The following ZBTB48 variants were observed in gnomAD, a reference collection of about 807,000 sequenced individuals.
ZBTB48 encodes the protein zinc finger and BTB domain-containing protein 48.
A neutral mutation model predicts 64.5 loss-of-function variants in ZBTB48; 35 were observed. The observed-to-expected ratio is 0.54, with a 90% CI of 0.41 to 0.72. The LOEUF (loss-of-function observed/expected upper bound fraction) is 0.72, where lower values mean the gene tolerates loss of function less well. ZBTB48 is among the 30% of genes least tolerant of loss of function. The pLI, the probability that ZBTB48 is intolerant of heterozygous loss-of-function variation, is 0.00. For missense variants in ZBTB48, 828 were observed against 895.3 expected, an observed-to-expected ratio of 0.92 and a Z score of 0.96; for synonymous variants, 442 against 356.7, an observed-to-expected ratio of 1.24 and a Z score of -2.70.
intron 6 of ZBTB48, 74 bp from the exon 7 acceptor site, chr1:6,587,404 G>A: frequency 6.2e-7 from 1 of 1,607,654 alleles, no homozygotes; most frequent in East Asian, 2.2e-5. Context: ...GGTGCTTGTG[G>A]GTCTCCCAGG....
rs372592772 is a variant in ZBTB48, at chr1:6,581,044, G to C, written c.435G>C (p.Pro145=). 9 of 1,613,188 alleles carry C rather than the reference G, an allele frequency of 5.6e-6. No homozygotes were observed. The highest frequency in any genetic ancestry group is 1.1e-5 in the South Asian group (1 of 91,084). Residue 145 remains proline (P), a synonymous_variant, in exon 2 of 11, where the codon CCG becomes CCC. Coordinates refer to ENST00000377674, the MANE Select transcript of ZBTB48 (RefSeq NM_005341.4). ...ATGTGAACAGCCACGTCAAGGAGCCGGCAGGCTTGGAAGAAGAGGAAGTTT... is the reference window on the plus strand; with the variant it reads ...ATGTGAACAGCCACGTCAAGGAGCCCGCAGGCTTGGAAGAAGAGGAAGTTT... ...SQNVNSHVKE[P]AGLEEEEVSR... is the part of the protein sequence containing the mutation.
intron 4 of ZBTB48, 104 bp downstream of exon 4, chr1:6,586,134 T>G: frequency 8.6e-7 from 1 of 1,162,074 alleles, no homozygotes; most frequent in Non-Finnish European, 1.3e-6. Context: ...AGGGGTACTG[T>G]AAACTCAGGA....
At position 6,588,945 on chromosome 1, in the gene ZBTB48, C is replaced by A; in HGVS notation, c.1800C>A (p.His600Gln). The A allele has an allele frequency of 6.2e-7, 1 of 1,610,864 alleles. No individual in the cohort carries two copies. Among genetic ancestry groups the A allele is most frequent in the Non-Finnish European group, 8.5e-7 (1 of 1,178,224 alleles). ...QAHLRRHMEI[H>Q]DRVENYNPRQ... is the part of the protein sequence containing the mutation. Reference sequence around the variant, plus strand: ...ACCTGCGGAGGCACATGGAGATCCACGACCGGGTAGAGAACTACAACCCGC... The same window carrying A: ...ACCTGCGGAGGCACATGGAGATCCAAGACCGGGTAGAGAACTACAACCCGC... Residue 600 changes from histidine (H) to glutamine (Q), a missense_variant, in exon 11 of 11, where the codon CAC (histidine) becomes CAA (glutamine). Transcript: ENST00000377674.
chr1:6,583,607 T>A (rs989236383), intron 3 of ZBTB48, among the ~76,000 whole-genome samples: 1,512 of 148,554 alleles, frequency 0.01, 16 homozygotes, highest in South Asian at 0.019. Context: ...CCTGTTATTT[T>A]TTTTTTTTTT....
intron 3 of ZBTB48, 91 bp from the exon 4 acceptor site, chr1:6,585,828 T>C: frequency 8.1e-7 from 1 of 1,231,332 alleles, no homozygotes; most frequent in Non-Finnish European, 1.2e-6. Flanking sequence ...AGAACACTTG[T>C]TCCCCTTAGA....
chr1:6,583,378 GC>G (rs556282296), intron 3 of ZBTB48, among the ~76,000 whole-genome samples: 2 of 152,186 alleles, frequency 1.3e-5, no homozygotes, highest in South Asian at 4.1e-4. Flanking sequence ...TCGGCTCACT[GC>G]AACCTCCGCC....
At position 6,580,917 on chromosome 1, in the gene ZBTB48, G is replaced by A. The variant is rs1001914386; in HGVS notation, c.308G>A (p.Arg103Gln). 3.1e-5 allele frequency: 50 copies of A among 1,614,032 alleles called. No individual in the cohort carries two copies. The highest frequency in any genetic ancestry group is 4.1e-5 in the Non-Finnish European group (48 of 1,180,040). The change falls in exon 2 of 11, where the codon CGA (arginine) becomes CAA (glutamine). Residue 103 changes from arginine to glutamine, a missense_variant. Transcript: ENST00000377674. This position sits in a 1 kb window ranked among gnomAD's most constrained non-coding sequence, Gnocchi z 5.2. ...GTGCTCCTGGCAGCCAGGGAGTTGC[G>A]AGTGCCAGAGGCCGTAGAGCTGTGC... ...DQVLLAAREL[R>Q]VPEAVELCQS...
In ZBTB48 at chr1:6,584,165, T is replaced by C. The variant is rs1325020632; in HGVS notation, c.933-1754T>C. 6.7e-6 allele frequency among the ~76,000 whole-genome samples: 1 copy of C among 148,180 alleles called. No individual in the cohort carries two copies. The highest frequency in any genetic ancestry group is 1.5e-5 in the Non-Finnish European group (1 of 66,608). On this transcript the variant is annotated intron_variant, in intron 3 of 10. Coordinates refer to ENST00000377674, the MANE Select transcript of ZBTB48 (RefSeq NM_005341.4). This position sits in a 1 kb window ranked among gnomAD's most constrained non-coding sequence, Gnocchi z 4.5. ...TCCTGACCTTGCGATCCACCTGCCT[T>C]AGCTTCCCAAAGTGCTGGGATTACA... is the stretch of plus-strand genomic sequence containing the variant.
At chr1:6,581,887 CTT>C (rs1212408714) in intron 2 of ZBTB48, among the ~76,000 whole-genome samples, 169 bp from the exon 3 acceptor site, 1 of 152,218 alleles carries the variant, frequency 6.6e-6, no homozygotes, top group African/African-American at 2.4e-5. Flanking sequence ...AACACAGCCA[CTT>C]TCCTCTGAAT....
At chr1:6,583,111 C>T (rs1181666497) in intron 3 of ZBTB48, among the ~76,000 whole-genome samples, 1 of 152,214 alleles carries the variant, frequency 6.6e-6, no homozygotes, top group African/African-American at 2.4e-5. Flanking sequence ...CTGCTTCAGC[C>T]TCCCAAATAG....
intron 3 of ZBTB48, 60 bp from the exon 4 acceptor site, chr1:6,585,859 G>T: frequency 6.5e-7 from 1 of 1,545,720 alleles, no homozygotes. Context: ...AGGGGGCCCT[G>T]GGTGAGGGAG....
In ZBTB48 at chr1:6,580,453, C is replaced by A; in HGVS notation, c.-69-88C>A. On this transcript the variant is annotated intron_variant, in intron 1 of 10. Coordinates refer to ENST00000377674, the MANE Select transcript of ZBTB48 (RefSeq NM_005341.4). This position sits in a 1 kb window ranked among gnomAD's most constrained non-coding sequence, Gnocchi z 5.2. ...TCAGTGTGTTCCAGCCCTCCGCGTG[C>A]ACCCCTCACCCTGACCCAAGCCCTC... The A allele has an allele frequency of 1.3e-6, 1 of 748,976 alleles. No homozygotes were observed. The highest frequency in any genetic ancestry group is 2.1e-6 in the Non-Finnish European group (1 of 471,610). The allele number at this position is 748,976 out of a possible 1,614,324, so 46.4% of individuals were successfully genotyped here. A position where few individuals can be genotyped will look rare whatever the true frequency, so the allele number is the denominator to read the frequency against.
In ZBTB48 at chr1:6,582,241, G is replaced by A. The variant is rs781278596; in HGVS notation, c.874G>A (p.Glu292Lys). The change falls in exon 3 of 11, where the codon GAA becomes AAA. Residue 292 changes from glutamate (E) to lysine (K), a missense_variant. Coordinates refer to ENST00000377674, the MANE Select transcript of ZBTB48 (RefSeq NM_005341.4). ...ENRKGTAVPV[E>K]CPTCHKKFLS... ...CAGAAAAGGTACAGCGGTGCCGGTC[G>A]AATGCCCCACATGTCATAAAAAGTT... 5 of 1,614,002 alleles carry A rather than the reference G, an allele frequency of 3.1e-6. No homozygotes were observed. The highest frequency in any genetic ancestry group is 1.6e-4 in the Middle Eastern group (1 of 6,084).
intron 5 of ZBTB48, 107 bp from the exon 6 acceptor site, chr1:6,587,098 C>A: frequency 8.1e-7 from 1 of 1,237,970 alleles, no homozygotes; most frequent in South Asian, 1.3e-5. Context: ...CTCCCAGAAT[C>A]ATCTCACCGG....
rs1640404529 is a variant in ZBTB48 at position 6,580,546 on chromosome 1, TTC to T, written c.-60_-59del. ...TTTCTCTCTCTTGACTCCAGGAGCT[TTC>T]TCTTGCATACCCTCGCTTAGGCTGG... On this transcript the variant is annotated 5_prime_UTR_variant, in exon 2 of 11. Transcript: ENST00000377674. This position sits in a 1 kb window ranked among gnomAD's most constrained non-coding sequence, Gnocchi z 5.2. The T allele has an allele frequency of 6.6e-7, 1 of 1,525,744 alleles. No homozygotes were observed. The highest frequency in any genetic ancestry group is 8.9e-7 in the Non-Finnish European group (1 of 1,129,890). The allele number at this position is 1,525,744 out of a possible 1,614,324, so 94.5% of individuals were successfully genotyped here. A position where few individuals can be genotyped will look rare whatever the true frequency, so the allele number is the denominator to read the frequency against.
At chr1:6,587,109 G>A in intron 5 of ZBTB48, 96 bp from the exon 6 acceptor site, 1 of 1,322,272 alleles carries the variant, frequency 7.6e-7, no homozygotes, top group Middle Eastern at 1.8e-4. Context: ...ATCTCACCGG[G>A]GCCTCCCTCT....
In ZBTB48 at chr1:6,584,234, A is replaced by C. The variant is rs941976460; in HGVS notation, c.933-1685A>C. 1.3e-5 allele frequency among the ~76,000 whole-genome samples: 2 copies of C among 152,250 alleles called. No homozygotes were observed. The highest frequency in any genetic ancestry group is 4.8e-5 in the African/African-American group (2 of 41,472). On this transcript the variant is annotated intron_variant, in intron 3 of 10. Coordinates refer to ENST00000377674, the MANE Select transcript of ZBTB48 (RefSeq NM_005341.4). This position sits in a 1 kb window ranked among gnomAD's most constrained non-coding sequence, Gnocchi z 4.5. ...CAGCCCCCAGGGACTATTTTAACTT[A>C]AAATTTAAAATTAAATAAAAATTCA...
intron 2 of ZBTB48, 31 bp from the exon 3 acceptor site, chr1:6,582,027 C>A (rs771400169): frequency 1.2e-6 from 2 of 1,605,610 alleles, no homozygotes; most frequent in South Asian, 1.1e-5. Context: ...TTTGGTGACG[C>A]CACCCCCTCC....
In ZBTB48 at chr1:6,584,975, C is replaced by T. The variant is rs996911013; in HGVS notation, c.933-944C>T. Among the ~76,000 whole-genome samples the T allele has an allele frequency of 6.6e-6, 1 of 152,132 alleles. No homozygotes were observed. Among genetic ancestry groups the T allele is most frequent in the Non-Finnish European group, 1.5e-5 (1 of 68,032 alleles). On this transcript the variant is annotated intron_variant, in intron 3 of 10. Transcript: ENST00000377674. This position sits in a 1 kb window ranked among gnomAD's most constrained non-coding sequence, Gnocchi z 4.5. ...AGGGAACTAAACAAAGGTGCTTGTG[C>T]AGCCGACCTGCTTGCCAGGCAATGC...
Sources: gnomAD v4.1 joint callset for allele counts (sites outside exome capture counted in the v4.1 genomes callset) on GRCh38, gnomAD v4.1.1 for gene constraint, Gnocchi (gnomAD v3.1) non-coding constraint, MANE v1.5 for transcripts, NCBI Gene and HGNC (gene_info 2026-07-23, HGNC 2026-07-21) for gene names.